Variants in PRORP observed in about 807,000 individuals in gnomAD.
PRORP encodes protein only RNase P catalytic subunit, also known as mitochondrial ribonuclease P catalytic subunit.
A neutral mutation model predicts 59.4 loss-of-function variants in PRORP; 51 were observed. That is an observed-to-expected ratio of 0.86 (90% CI 0.69 to 1.08). PRORP has a LOEUF of 1.08. Ranked by LOEUF, PRORP falls within the 50% of genes least tolerant of loss-of-function variation. The pLI, the probability that PRORP is intolerant of heterozygous loss-of-function variation, is 0.00. For synonymous variants in PRORP, 231 were observed against 245.6 expected (o/e 0.94, Z 0.55); for missense variants, 646 against 690.3 (o/e 0.94, Z 0.72).
At chr14:35,184,640 A>G (rs1341967963) in intron 5 of PRORP, among the ~76,000 whole-genome samples, 1 of 152,142 alleles carries the variant, frequency 6.6e-6, no homozygotes, top group Non-Finnish European at 1.5e-5. Flanking sequence ...CCCAGTACTC[A>G]ATAGTTAATC....
rs2051289390 is a variant in PRORP, at chr14:35,276,013, G to C, written c.*2447G>C. 6.6e-6 allele frequency: 1 copy of C among 152,172 alleles called. No homozygotes were observed. The highest frequency in any genetic ancestry group is 2.4e-5 in the African/African-American group (1 of 41,400). 9.4% of individuals were successfully genotyped at this position (152,172 alleles called of 1,614,324 possible). On this transcript the variant is annotated 3_prime_UTR_variant, in exon 8 of 8. Coordinates refer to ENST00000534898, the MANE Select transcript of PRORP (RefSeq NM_014672.4). ...ATACTCTTTCTTCTACTGGCACATA[G>C]AGATGGGGGAGGAGTCAGGGCATGG...
intron 5 of PRORP, among the ~76,000 whole-genome samples, chr14:35,196,003 A>G (rs1235693238): frequency 1.3e-5 from 2 of 152,226 alleles, no homozygotes; most frequent in African/African-American, 4.8e-5. Flanking sequence ...ATGTAATATC[A>G]AAGCAATGTA....
intron 4 of PRORP, among the ~76,000 whole-genome samples, chr14:35,178,839 T>C (rs899528360): frequency 2.0e-5 from 3 of 152,230 alleles, no homozygotes; most frequent in Non-Finnish European, 4.4e-5. Context: ...CTAGCATCGA[T>C]GGTCTTTACG....
At chr14:35,122,520 T>C (rs2236167), upstream of PRORP, 58,962 of 154,684 alleles carry the variant, frequency 0.38, 11,540 homozygotes, top group Middle Eastern at 0.47. Context: ...CGTCCGTCGG[T>C]CGGGGCTGGC....
At chr14:35,232,192 A>AT (rs35565906) in intron 5 of PRORP, among the ~76,000 whole-genome samples, 12,905 of 142,660 alleles carry the variant, frequency 0.09, 662 homozygotes, top group Non-Finnish European at 0.13. Flanking sequence ...GGCCATGCAG[A>AT]TTTTTTTTTT....
At chr14:35,271,835 G>A (rs939309648) in intron 7 of PRORP, among the ~76,000 whole-genome samples, 18 of 152,296 alleles carry the variant, frequency 1.2e-4, no homozygotes, top group African/African-American at 4.3e-4. Context: ...GACCAGCCTA[G>A]CCAACATAGC....
chr14:35,124,271 A>ATTTT, intron 2 of PRORP, 40 bp downstream of exon 2: 19 of 1,140,152 alleles, frequency 1.7e-5, no homozygotes, highest in Non-Finnish European at 2.0e-5. Context: ...TTATTCTTTA[A>ATTTT]TTTTTTTTTT....
chr14:35,125,073 C>T (rs577772221), intron 2 of PRORP, among the ~76,000 whole-genome samples: 8 of 152,120 alleles, frequency 5.3e-5, no homozygotes, highest in African/African-American at 1.4e-4. Context: ...CTATGTTGGT[C>T]AGGCTGCTCT....
chr14:35,124,048 AG>A lies in PRORP; in HGVS notation c.805del (p.Glu269AsnfsTer3), dbSNP rs1387555801. 6.8e-6 allele frequency: 11 copies of A among 1,613,714 alleles called. No homozygotes were observed. The highest frequency in any genetic ancestry group is 9.3e-6 in the Non-Finnish European group (11 of 1,179,894). On this transcript the variant is annotated frameshift_variant, in exon 2 of 8. Transcript: ENST00000534898. LOFTEE classifies it high-confidence loss of function. ...QDVNTAWNLY[Q>X]ELLGHDIVPM... ...GTAAACACAGCTTGGAATTTATATC[AG>A]GAATTGCTAGGTCATGATATTGTTC... is the stretch of plus-strand genomic sequence containing the variant.
chr14:35,162,616 T>TC (rs2048088564), intron 4 of PRORP, among the ~76,000 whole-genome samples: 1 of 151,562 alleles, frequency 6.6e-6, no homozygotes, highest in Non-Finnish European at 1.5e-5. Flanking sequence ...TGAGGCTTAT[T>TC]TTTTTTCTCT....
At chr14:35,162,736 C>CA (rs1160538977) in intron 4 of PRORP, among the ~76,000 whole-genome samples, 5 of 151,844 alleles carry the variant, frequency 3.3e-5, no homozygotes, top group African/African-American at 9.7e-5. Context: ...CCAACAAACA[C>CA]AAAAAACTTC....
rs930263453 is a variant in PRORP at position 35,178,974 on chromosome 14, G to A, written c.1168-1696G>A. ...CTCTCAGGATTTGCTTGTCTGTAAA[G>A]CATTTTATTTCTCCTCCACTTATGA... is the stretch of plus-strand genomic sequence containing the variant. On this transcript the variant is annotated intron_variant, in intron 4 of 7. Coordinates refer to ENST00000534898, the MANE Select transcript of PRORP (RefSeq NM_014672.4). Among the ~76,000 whole-genome samples the A allele has an allele frequency of 2.8e-4, 42 of 152,164 alleles. 1 individual carries two copies. The highest frequency in any genetic ancestry group is 9.9e-4 in the African/African-American group (41 of 41,432).
chr14:35,259,231 C>G (rs79619891), intron 5 of PRORP, among the ~76,000 whole-genome samples: 1,539 of 152,304 alleles, frequency 0.01, 24 homozygotes, highest in South Asian at 0.059. Context: ...TTTCTCTGCT[C>G]TGAAGTCTAT....
intron 5 of PRORP, among the ~76,000 whole-genome samples, chr14:35,243,607 G>C (rs114246019): frequency 0.01 from 1,549 of 152,128 alleles, 29 homozygotes; most frequent in African/African-American, 0.035. Context: ...AAAATTGAGA[G>C]TTATATGCTA....
intron 4 of PRORP, among the ~76,000 whole-genome samples, chr14:35,172,548 CTCTTTCTT>C (rs201589085): frequency 6.9e-6 from 1 of 144,856 alleles, no homozygotes; most frequent in Non-Finnish European, 1.5e-5. Context: ...CTCTCCTCTC[CTCTTTCTT>C]TCTTTCTTTC....
chr14:35,233,439 C>G (rs1158127282), intron 5 of PRORP, among the ~76,000 whole-genome samples: 1 of 145,560 alleles, frequency 6.9e-6, no homozygotes, highest in Non-Finnish European at 1.5e-5. Flanking sequence ...ATTAGGATGT[C>G]TGTCAAAACT....
intron 4 of PRORP, among the ~76,000 whole-genome samples, chr14:35,149,075 C>T (rs1350837392): frequency 5.3e-5 from 8 of 149,684 alleles, no homozygotes; most frequent in African/African-American, 1.7e-4. Context: ...CCCGCCACCA[C>T]GCCCGGCTAA....
intron 4 of PRORP, among the ~76,000 whole-genome samples, chr14:35,163,372 A>G (rs936348786): frequency 6.6e-6 from 1 of 152,130 alleles, no homozygotes; most frequent in Non-Finnish European, 1.5e-5. Flanking sequence ...TTGCAACTGT[A>G]TTAAATTGAT....
At chr14:35,145,220 A>C (rs1243242256) in intron 4 of PRORP, among the ~76,000 whole-genome samples, 1 of 143,980 alleles carries the variant, frequency 6.9e-6, no homozygotes, top group South Asian at 2.3e-4. Flanking sequence ...TAATCCTCCA[A>C]CCTTGGCCTC....
Sources: gnomAD v4.1 joint callset for allele counts (sites outside exome capture counted in the v4.1 genomes callset) on GRCh38, gnomAD v4.1.1 for gene constraint, MANE v1.5 for transcripts, NCBI Gene and HGNC (gene_info 2026-07-23, HGNC 2026-07-21) for gene names.